The following LTBP1 variants were observed in gnomAD, a reference collection of about 807,000 sequenced individuals.
LTBP1 encodes the protein latent transforming growth factor beta binding protein 1.
A neutral mutation model predicts 207.6 loss-of-function variants in LTBP1; 129 were observed. The observed-to-expected ratio is 0.62, with a 90% CI of 0.54 to 0.72. The LOEUF (loss-of-function observed/expected upper bound fraction) is 0.72, where lower values mean the gene tolerates loss of function less well. Among genes scored for constraint, LTBP1 ranks in the 30% least tolerant of loss-of-function variants. LTBP1 has a pLI of 0.00. For missense variants in LTBP1, 2,281 were observed against 2,217.2 expected (o/e 1.03, Z -0.58); for synonymous variants, 963 against 833.7 (o/e 1.16, Z -2.67).
intron 5 of LTBP1, among the ~76,000 whole-genome samples, chr2:33,162,206 G>C (rs1266125709): frequency 6.6e-6 from 1 of 152,108 alleles, no homozygotes; most frequent in Non-Finnish European, 1.5e-5. Flanking sequence ...TTAAAATTTT[G>C]CATGTTTATT....
Position 33,032,597 on chromosome 2 carries a change from T to C in LTBP1, c.863+11391T>C, listed in dbSNP as rs147517947. Among the ~76,000 whole-genome samples, 567 of 152,326 alleles carry C rather than the reference T, an allele frequency of 3.7e-3. 4 individuals carry two copies. The highest frequency in any genetic ancestry group is 0.013 in the African/African-American group (545 of 41,578). On this transcript the variant is annotated intron_variant, in intron 3 of 33. Coordinates refer to ENST00000404816, the MANE Select transcript of LTBP1 (RefSeq NM_206943.4). Reference sequence around the variant, plus strand: ...CACAGATGTATAATAACCAACAGGTTGTTAGGCTCTAAATGTCTTCCTAGC... The same window carrying C: ...CACAGATGTATAATAACCAACAGGTCGTTAGGCTCTAAATGTCTTCCTAGC...
At chr2:33,208,841 A>G (rs1241404522) in intron 7 of LTBP1, among the ~76,000 whole-genome samples, 1 of 147,354 alleles carries the variant, frequency 6.8e-6, no homozygotes, top group Non-Finnish European at 1.5e-5. Flanking sequence ...TGAAGATTTT[A>G]GTGTCTAGTC....
intron 5 of LTBP1, among the ~76,000 whole-genome samples, chr2:33,142,138 G>A (rs558996862): frequency 4.4e-4 from 67 of 152,066 alleles, no homozygotes; most frequent in Admixed American, 8.5e-4. Flanking sequence ...TGCAAGCTCC[G>A]CCTCCCGGGT....
At chr2:33,061,037 G>T (rs1654703925) in intron 3 of LTBP1, among the ~76,000 whole-genome samples, 1 of 151,992 alleles carries the variant, frequency 6.6e-6, no homozygotes, top group Non-Finnish European at 1.5e-5. Context: ...AACTGGAGTT[G>T]GTAGGACACA....
At chr2:33,244,884 C>CTATT (rs1199781734) in intron 10 of LTBP1, among the ~76,000 whole-genome samples, 4 of 151,768 alleles carry the variant, frequency 2.6e-5, no homozygotes, top group African/African-American at 7.3e-5. Flanking sequence ...ATCTATCTAT[C>CTATT]TATTTATTTT....
At chr2:33,140,673 T>TTA (rs1248404435) in intron 5 of LTBP1, among the ~76,000 whole-genome samples, 7 of 150,634 alleles carry the variant, frequency 4.6e-5, no homozygotes, top group Non-Finnish European at 5.9e-5. Flanking sequence ...TAATTAATTT[T>TTA]TTTTTTTTTT....
chr2:32,977,682 T>C (rs1332590782), intron 2 of LTBP1, among the ~76,000 whole-genome samples: 2 of 152,200 alleles, frequency 1.3e-5, no homozygotes, highest in Non-Finnish European at 2.9e-5. Flanking sequence ...CAGGTCCTTG[T>C]GGAAAGTGTG....
intron 3 of LTBP1, among the ~76,000 whole-genome samples, chr2:33,109,664 T>G (rs977796787): frequency 6.6e-6 from 1 of 152,176 alleles, no homozygotes; most frequent in African/African-American, 2.4e-5. Flanking sequence ...AGAGTATAAT[T>G]ATAAAACATT....
chr2:33,193,343 T>C (rs1233270865), intron 7 of LTBP1, among the ~76,000 whole-genome samples: 1 of 152,188 alleles, frequency 6.6e-6, no homozygotes, highest in Non-Finnish European at 1.5e-5. Context: ...GGTTTCACCA[T>C]GTTGCCCAGG....
chr2:33,140,410 G>C (rs1210402680), intron 5 of LTBP1, among the ~76,000 whole-genome samples: 1 of 152,112 alleles, frequency 6.6e-6, no homozygotes, highest in Admixed American at 6.5e-5. Flanking sequence ...AAATGCCATC[G>C]TGTCTCCCTT....
rs180857863 is a variant in LTBP1, at chr2:32,998,555, T to C, written c.566-22354T>C. ...AAAAAAAAAAAAAAAAAGGTTGTTA[T>C]GAACTGAATGTTTGTGTTGCAAAAA... is the stretch of plus-strand genomic sequence containing the variant. On this transcript the variant is annotated intron_variant, in intron 2 of 33. Coordinates refer to ENST00000404816, the MANE Select transcript of LTBP1 (RefSeq NM_206943.4). Among the ~76,000 whole-genome samples the C allele has an allele frequency of 6.1e-3, 853 of 140,054 alleles. 7 individuals carry two copies. Among genetic ancestry groups the C allele is most frequent in the Non-Finnish European group, 9.5e-3 (620 of 65,390 alleles). The allele number at this position is 140,054 out of a possible 152,430, so 91.9% of individuals were successfully genotyped here.
At chr2:33,158,151 A>C (rs1053563533) in intron 5 of LTBP1, among the ~76,000 whole-genome samples, 18 of 135,472 alleles carry the variant, frequency 1.3e-4, no homozygotes, top group East Asian at 2.3e-4. Flanking sequence ...AAAAAAACAA[A>C]AAAAAAAAAA....
chr2:33,141,112 G>A (rs1400415988), intron 5 of LTBP1, among the ~76,000 whole-genome samples: 2 of 152,178 alleles, frequency 1.3e-5, no homozygotes, highest in African/African-American at 4.8e-5. Flanking sequence ...AAAAGTCCTT[G>A]CCCTCCTCCG....
chr2:33,256,387 C>T (rs1573461127), intron 11 of LTBP1, among the ~76,000 whole-genome samples: 1 of 152,064 alleles, frequency 6.6e-6, no homozygotes, highest in Admixed American at 6.5e-5. Context: ...TCTTAACCAG[C>T]TGATACATGG....
At chr2:33,340,027 A>G (rs1192430393) in intron 24 of LTBP1, among the ~76,000 whole-genome samples, 1 of 152,062 alleles carries the variant, frequency 6.6e-6, no homozygotes, top group Admixed American at 6.6e-5. Flanking sequence ...AGGCTTGATA[A>G]GTTTAAGTTC....
chr2:33,342,056 GA>G (rs1401420172), intron 24 of LTBP1, among the ~76,000 whole-genome samples: 1 of 152,182 alleles, frequency 6.6e-6, no homozygotes, highest in Non-Finnish European at 1.5e-5. Context: ...GGGAAGGAAA[GA>G]ACGGAGAAGG....
intron 3 of LTBP1, among the ~76,000 whole-genome samples, chr2:33,072,499 G>A (rs1041158445): frequency 6.6e-6 from 1 of 152,168 alleles, no homozygotes; most frequent in African/African-American, 2.4e-5. Flanking sequence ...CCTGCAATCA[G>A]ACAAGGAAGG....
At chr2:33,330,502 A>G (rs1372056152) in intron 24 of LTBP1, among the ~76,000 whole-genome samples, 2 of 151,108 alleles carry the variant, frequency 1.3e-5, no homozygotes, top group Non-Finnish European at 3.0e-5. Flanking sequence ...CTTAATAGAT[A>G]TTCTTTATCA....
At chr2:32,983,472 A>C (rs1252171272) in intron 2 of LTBP1, among the ~76,000 whole-genome samples, 1 of 152,094 alleles carries the variant, frequency 6.6e-6, no homozygotes, top group Non-Finnish European at 1.5e-5. Flanking sequence ...GGAAGGCATG[A>C]TTGGCTTTGA....
Sources: gnomAD v4.1 joint callset for allele counts (sites outside exome capture counted in the v4.1 genomes callset) on GRCh38, gnomAD v4.1.1 for gene constraint, MANE v1.5 for transcripts, NCBI Gene and HGNC (gene_info 2026-07-23, HGNC 2026-07-21) for gene names.